Variants in SPTBN1 observed in about 807,000 individuals in gnomAD.
The protein encoded by SPTBN1 is spectrin beta chain, non-erythrocytic 1.
In SPTBN1, 32 loss-of-function variants were observed where a neutral mutation model predicts 266.4. The ratio of observed to expected loss-of-function variants is 0.12; its 90% CI spans 0.09 to 0.16. The LOEUF (loss-of-function observed/expected upper bound fraction) is 0.16, where lower values mean the gene tolerates loss of function less well. Ranked by LOEUF, SPTBN1 falls within the 10% of genes least tolerant of loss-of-function variation. SPTBN1 has a pLI of 1.00. For missense variants in SPTBN1, 2,296 were observed against 3,067.1 expected, an observed-to-expected ratio of 0.75 and a Z score of 5.94; for synonymous variants, 1,336 against 1,162.2, an observed-to-expected ratio of 1.15 and a Z score of -3.04.
intron 3 of SPTBN1, among the ~76,000 whole-genome samples, chr2:54,608,240 C>G (rs147950533): frequency 6.6e-6 from 1 of 152,190 alleles, no homozygotes; most frequent in African/African-American, 2.4e-5. Context: ...TCTTAGGAAG[C>G]GAACAGTCTA....
At chr2:54,602,756 G>T (rs1424004161) in intron 3 of SPTBN1, among the ~76,000 whole-genome samples, 1 of 152,096 alleles carries the variant, frequency 6.6e-6, no homozygotes, top group Non-Finnish European at 1.5e-5. Context: ...TGTGTATGTT[G>T]CCACCATTAA....
In SPTBN1 at chr2:54,554,769, C is replaced by A. The variant is rs1053823068; in HGVS notation, c.148+28203C>A. Among the ~76,000 whole-genome samples, 9 of 152,160 alleles carry A rather than the reference C, an allele frequency of 5.9e-5. No individual in the cohort carries two copies. Among genetic ancestry groups the A allele is most frequent in the African/African-American group, 2.2e-4 (9 of 41,424 alleles). On this transcript the variant is annotated intron_variant, in intron 2 of 35. Coordinates refer to ENST00000356805, the MANE Select transcript of SPTBN1 (RefSeq NM_003128.3). The surrounding 1 kb of genome is among the most constrained non-coding windows in gnomAD (Gnocchi z 4.5). The stretch of plus-strand genomic sequence containing the variant: ...GATCTGTTCCATCCATATCTTTGAG[C>A]CATCTTCCCACTGGCCTTTTCCTAC...
rs1174335078 is a variant in SPTBN1, at chr2:54,649,645, C to G, written c.5233C>G (p.Arg1745Gly). ...ACAAGAACGATTCCGGGAGTTTGCC[C>G]GAGACACCGGGAACATTGGGCAGGA... The part of the protein sequence containing the change: ...MLQERFREFA[R>G]DTGNIGQERV... Residue 1745 changes from arginine to glycine, a missense_variant, in exon 26 of 36, where the codon CGA becomes GGA. By Grantham distance (125) the Arg-to-Gly change is moderately radical. This residue lies in a region of SPTBN1 where 644 missense variants were observed against 745.3 expected (regional missense o/e 0.86). Transcript: ENST00000356805. This position sits in a 1 kb window ranked among gnomAD's most constrained non-coding sequence, Gnocchi z 6.7. The G allele has an allele frequency of 1.2e-6, 2 of 1,610,182 alleles. No individual in the cohort carries two copies. Among genetic ancestry groups the G allele is most frequent in the Non-Finnish European group, 1.7e-6 (2 of 1,176,602 alleles).
chr2:54,616,151 G>C, intron 4 of SPTBN1, 56 bp from the exon 5 acceptor site: 3 of 1,475,194 alleles, frequency 2.0e-6, no homozygotes, highest in Non-Finnish European at 2.8e-6. Context: ...GTTCTTCAGT[G>C]GTTCTTTTAG....
Position 54,616,245 on chromosome 2 carries a change from G to A in SPTBN1, c.513G>A (p.Glu171=). 1 of 1,614,086 alleles carries A rather than the reference G, an allele frequency of 6.2e-7. No homozygotes were observed. Reference sequence around the variant, plus strand: ...GTGTGGAAACTGAAGACAACAAAGAGAAGAAATCTGCCAAGGATGCATTGC... The same window carrying A: ...GTGTGGAAACTGAAGACAACAAAGAAAAGAAATCTGCCAAGGATGCATTGC... The part of the protein sequence containing the change: ...DISVETEDNK[E]KKSAKDALLL... Residue 171 remains glutamate, a synonymous_variant, in exon 5 of 36, where the codon GAG becomes GAA. Transcript: ENST00000356805.
intron 1 of SPTBN1, among the ~76,000 whole-genome samples, chr2:54,487,830 G>GTTTTTTTTTTT (rs1558770807): frequency 1.4e-3 from 8 of 5,920 alleles, no homozygotes; most frequent in African/African-American, 2.9e-3. Context: ...CTCCTCCTGT[G>GTTTTTTTTTTT]TCTTTTTTTT....
At chr2:54,479,785 C>T (rs1558762584) in intron 1 of SPTBN1, among the ~76,000 whole-genome samples, 1 of 152,056 alleles carries the variant, frequency 6.6e-6, no homozygotes, top group African/African-American at 2.4e-5. Context: ...ATTTAGGGTA[C>T]TTAATTCATG....
chr2:54,490,910 G>A (rs972070786), intron 1 of SPTBN1, among the ~76,000 whole-genome samples: 3 of 152,216 alleles, frequency 2.0e-5, no homozygotes, highest in Non-Finnish European at 4.4e-5. Flanking sequence ...GGGCTGTGTT[G>A]AAGAGTGAAG....
intron 1 of SPTBN1, among the ~76,000 whole-genome samples, chr2:54,459,543 C>G (rs1306845051): frequency 2.0e-5 from 3 of 152,062 alleles, no homozygotes; most frequent in Admixed American, 2.0e-4. Context: ...TGGATTTTGT[C>G]GAAATAATTT....
intron 2 of SPTBN1, among the ~76,000 whole-genome samples, chr2:54,544,025 C>T (rs1046777677): frequency 5.3e-5 from 8 of 152,082 alleles, no homozygotes; most frequent in Admixed American, 1.3e-4. Context: ...ACTAAATTCC[C>T]GGGAGGATTA....
intron 1 of SPTBN1, among the ~76,000 whole-genome samples, chr2:54,524,278 C>G (rs980141733): frequency 1.3e-5 from 2 of 152,164 alleles, no homozygotes; most frequent in African/African-American, 4.8e-5. Flanking sequence ...TCTTTTCACT[C>G]CTTTCTTCCT....
intron 17 of SPTBN1, 32 bp downstream of exon 17, chr2:54,632,800 T>C (rs1678844727): frequency 6.2e-7 from 1 of 1,608,626 alleles, no homozygotes; most frequent in Non-Finnish European, 8.5e-7. Flanking sequence ...AAGGGAGCCT[T>C]GCACCTTGGG....
intron 24 of SPTBN1, among the ~76,000 whole-genome samples, chr2:54,647,577 A>T (rs1680003298): frequency 6.6e-6 from 1 of 152,176 alleles, no homozygotes; most frequent in Admixed American, 6.5e-5. Context: ...AGTGGCTTAC[A>T]CTTGTAATCC....
chr2:54,661,043 G>A lies in SPTBN1; in HGVS notation c.6420+1044G>A, dbSNP rs114325016. Reference sequence around the variant, plus strand: ...TGGTGGACCGTGCCTGGGAGCGCTCGCATGCCCCCTGGCTTCAGAAGTCAT... The same window carrying A: ...TGGTGGACCGTGCCTGGGAGCGCTCACATGCCCCCTGGCTTCAGAAGTCAT... On this transcript the variant is annotated intron_variant, in intron 32 of 35. Coordinates refer to ENST00000356805, the MANE Select transcript of SPTBN1 (RefSeq NM_003128.3). 1.4e-3 allele frequency: 1,397 copies of A among 985,330 alleles called. 3 individuals carry two copies. Among genetic ancestry groups the A allele is most frequent in the Admixed American group, 1.6e-3 (26 of 16,282 alleles). The allele number at this position is 985,330 out of a possible 1,614,324, so 61.0% of individuals were successfully genotyped here.
intron 2 of SPTBN1, among the ~76,000 whole-genome samples, chr2:54,564,817 A>G (rs1438821193): frequency 1.3e-5 from 2 of 152,078 alleles, no homozygotes; most frequent in Non-Finnish European, 1.5e-5. Context: ...GTGATTTTTC[A>G]TTACTGCCTT....
intron 1 of SPTBN1, among the ~76,000 whole-genome samples, chr2:54,477,701 C>T (rs892999926): frequency 6.6e-6 from 1 of 152,114 alleles, no homozygotes; most frequent in Admixed American, 6.5e-5. Flanking sequence ...AGCACGAGGT[C>T]AGGAGTTCGA....
At chr2:54,496,149 TA>T (rs1668956461) in intron 1 of SPTBN1, among the ~76,000 whole-genome samples, 1 of 151,982 alleles carries the variant, frequency 6.6e-6, no homozygotes, top group Non-Finnish European at 1.5e-5. Context: ...AAAAAAAGTA[TA>T]AATAGGCCAG....
intron 3 of SPTBN1, among the ~76,000 whole-genome samples, chr2:54,603,572 G>T (rs1431093211): frequency 6.6e-6 from 1 of 152,140 alleles, no homozygotes; most frequent in African/African-American, 2.4e-5. Flanking sequence ...GTGGGTCCCA[G>T]CTGGGAACAA....
chr2:54,621,328 C>A, intron 7 of SPTBN1, 72 bp from the exon 8 acceptor site: 8 of 1,105,632 alleles, frequency 7.2e-6, no homozygotes, highest in Non-Finnish European at 1.1e-5. Flanking sequence ...GCAGTCGTTG[C>A]ATTTGTTCCT....
Sources: allele counts gnomAD v4.1 joint callset (sites outside exome capture counted in the v4.1 genomes callset), GRCh38; gene constraint gnomAD v4.1.1; regional missense constraint gnomAD v4.1.1; non-coding constraint Gnocchi (gnomAD v3.1); transcripts MANE v1.5; gene names NCBI Gene and HGNC (gene_info 2026-07-23, HGNC 2026-07-21).